Variants in COL11A1 observed in about 807,000 individuals in gnomAD.
COL11A1 encodes the protein collagen type XI alpha 1 chain.
In COL11A1, 74 loss-of-function variants were observed where a neutral mutation model predicts 265.2. That is an observed-to-expected ratio of 0.28 (90% CI 0.23 to 0.34). The LOEUF (loss-of-function observed/expected upper bound fraction) is 0.34, where lower values mean the gene tolerates loss of function less well. Ranked by LOEUF, COL11A1 falls within the 10% of genes least tolerant of loss-of-function variation. The pLI, the probability that COL11A1 is intolerant of heterozygous loss-of-function variation, is 1.00. For synonymous variants in COL11A1, 816 were observed against 727.6 expected, an observed-to-expected ratio of 1.12 and a Z score of -1.96; for missense variants, 2,165 against 2,263.6, an observed-to-expected ratio of 0.96 and a Z score of 0.88.
chr1:103,026,216 C>A lies in COL11A1; in HGVS notation c.897G>T (p.Glu299Asp). 1 of 1,605,746 alleles carries A rather than the reference C, an allele frequency of 6.2e-7. No homozygotes were observed. The change falls in exon 6 of 67, where the codon GAG (glutamate) becomes GAT (aspartate). Residue 299 changes from glutamate (E) to aspartate (D), a missense_variant and splice_region_variant. Transcript: ENST00000370096. ...TACACAGGCACTGCTTTGTTTTTAC[C>A]TCCGTCTGTGCTATTGTCTCCTCAG... is the stretch of plus-strand genomic sequence containing the variant. ...TVTEETIAQT[E>D]ANIVDDFQEY... is the part of the protein sequence containing the mutation.
chr1:103,049,648 TCAGCTGG>T (rs1318832315), intron 4 of COL11A1, among the ~76,000 whole-genome samples: 5 of 152,338 alleles, frequency 3.3e-5, no homozygotes, highest in African/African-American at 1.2e-4. Flanking sequence ...CATTATGATG[TCAGCTGG>T]CTATTTTGCT....
intron 1 of COL11A1, among the ~76,000 whole-genome samples, chr1:103,092,996 A>G (rs1201317849): frequency 6.6e-6 from 1 of 152,096 alleles, no homozygotes; most frequent in Non-Finnish European, 1.5e-5. Context: ...AAAAACAGAA[A>G]AAGACAAAAG....
rs1283544537 is a variant in COL11A1 at position 102,962,769 on chromosome 1, G to A, written c.2917-9C>T. The stretch of plus-strand genomic sequence containing the variant: ...GTCTCACCGGTTGGTCCCTAAATTA[G>A]ATAAGCAAAATCACTTTAGATTGCT... On this transcript the variant is annotated splice_polypyrimidine_tract_variant and intron_variant, in intron 38 of 66. Transcript: ENST00000370096. The A allele has an allele frequency of 6.2e-7, 1 of 1,612,640 alleles. No individual in the cohort carries two copies. Among genetic ancestry groups the A allele is most frequent in the Non-Finnish European group, 8.5e-7 (1 of 1,178,758 alleles).
intron 47 of COL11A1, among the ~76,000 whole-genome samples, chr1:102,922,006 T>C (rs1452611636): frequency 1.3e-5 from 2 of 152,222 alleles, no homozygotes; most frequent in African/African-American, 4.8e-5. Flanking sequence ...TGTCAACTCT[T>C]AGGTTCTATA....
chr1:102,972,123 T>C (rs1038051125), intron 36 of COL11A1, among the ~76,000 whole-genome samples: 5 of 152,170 alleles, frequency 3.3e-5, no homozygotes, highest in Non-Finnish European at 7.3e-5. Flanking sequence ...TTATCACTGG[T>C]TTGATATATT....
intron 37 of COL11A1, among the ~76,000 whole-genome samples, chr1:102,967,920 C>T (rs1661602526): frequency 6.6e-6 from 1 of 152,168 alleles, no homozygotes; most frequent in African/African-American, 2.4e-5. Context: ...AAAATTACAA[C>T]ATAGACTTGC....
intron 3 of COL11A1, among the ~76,000 whole-genome samples, chr1:103,076,121 T>A (rs1429088929): frequency 6.6e-6 from 1 of 152,166 alleles, no homozygotes; most frequent in African/African-American, 2.4e-5. Flanking sequence ...TGATATGTCA[T>A]AATCATGGTG....
At chr1:102,935,961 C>T (rs1190094766) in intron 44 of COL11A1, among the ~76,000 whole-genome samples, 1 of 152,014 alleles carries the variant, frequency 6.6e-6, no homozygotes, top group Non-Finnish European at 1.5e-5. Context: ...GATGTAAAAT[C>T]CGTGGTGAAT....
At chr1:102,968,333 T>G (rs565556074) in intron 37 of COL11A1, among the ~76,000 whole-genome samples, 1 of 152,338 alleles carries the variant, frequency 6.6e-6, no homozygotes, top group South Asian at 2.1e-4. Context: ...AAGCCAATTT[T>G]AGGACCAATA....
At chr1:103,017,968 G>T in intron 10 of COL11A1, 86 bp from the exon 11 acceptor site, 5 of 1,077,732 alleles carry the variant, frequency 4.6e-6, no homozygotes, top group Non-Finnish European at 7.2e-6. Context: ...CGAAGAGTTC[G>T]TTTATATTTT....
At chr1:102,930,117 T>A (rs1657210895) in intron 46 of COL11A1, among the ~76,000 whole-genome samples, 1 of 152,184 alleles carries the variant, frequency 6.6e-6, no homozygotes, top group African/African-American at 2.4e-5. Flanking sequence ...GGCCAGAACT[T>A]TCAACACTAT....
At chr1:103,040,444 A>G (rs1668719964) in intron 4 of COL11A1, among the ~76,000 whole-genome samples, 1 of 151,642 alleles carries the variant, frequency 6.6e-6, no homozygotes, top group Non-Finnish European at 1.5e-5. Flanking sequence ...AATCAAGACT[A>G]AACATGTTTA....
At chr1:102,937,405 G>A (rs1658260079) in intron 44 of COL11A1, among the ~76,000 whole-genome samples, 1 of 152,124 alleles carries the variant, frequency 6.6e-6, no homozygotes, top group Non-Finnish European at 1.5e-5. Context: ...AAATCTAAAT[G>A]GAATCTAAAG....
At chr1:103,095,549 G>T (rs1331151642) in intron 1 of COL11A1, among the ~76,000 whole-genome samples, 2 of 151,968 alleles carry the variant, frequency 1.3e-5, no homozygotes, top group Non-Finnish European at 2.9e-5. Context: ...AAAAATAAGT[G>T]CAAAGAACCC....
chr1:103,072,977 A>G (rs940177087), intron 4 of COL11A1, among the ~76,000 whole-genome samples: 48 of 151,800 alleles, frequency 3.2e-4, no homozygotes, highest in African/African-American at 1.1e-3. Context: ...ATTCATTAAC[A>G]TTTTAAAAAC....
chr1:102,989,534 C>T lies in COL11A1; in HGVS notation c.2378G>A (p.Gly793Asp), dbSNP rs1663916513. 6.2e-7 allele frequency: 1 copy of T among 1,610,658 alleles called. No individual in the cohort carries two copies. The highest frequency in any genetic ancestry group is 8.5e-7 in the Non-Finnish European group (1 of 1,177,560). ...TATACTTACTCTGTCACCTTTTAGA[C>T]CCATGTCACCTTTGAATCCTGGAAA... The part of the protein sequence containing the change: ...DGFPGFKGDM[G>D]LKGDRGEVGQ... Residue 793 changes from glycine (G) to aspartate (D), a missense_variant, in exon 29 of 67, where the codon GGT (glycine) becomes GAT (aspartate). Gly to Asp is a moderately conservative substitution (Grantham distance 94). Coordinates refer to ENST00000370096, the MANE Select transcript of COL11A1 (RefSeq NM_001854.4).
At chr1:103,067,848 T>C (rs550822818) in intron 4 of COL11A1, among the ~76,000 whole-genome samples, 1 of 151,576 alleles carries the variant, frequency 6.6e-6, no homozygotes, top group South Asian at 2.1e-4. Context: ...AACAACTTAG[T>C]TGAACTAGAA....
chr1:102,969,840 G>A (rs1661786555), intron 37 of COL11A1, among the ~76,000 whole-genome samples: 1 of 152,122 alleles, frequency 6.6e-6, no homozygotes, highest in African/African-American at 2.4e-5. Context: ...TTCGTAATCT[G>A]TTGCCTTTAG....
intron 57 of COL11A1, among the ~76,000 whole-genome samples, chr1:102,893,886 G>C (rs35486863): frequency 0.13 from 19,683 of 152,044 alleles, 1,956 homozygotes; most frequent in African/African-American, 0.28. Flanking sequence ...TTAAATGTAG[G>C]ATTAAAGAAA....
Sources: gnomAD v4.1 joint callset for allele counts (sites outside exome capture counted in the v4.1 genomes callset) on GRCh38, gnomAD v4.1.1 for gene constraint, MANE v1.5 for transcripts, NCBI Gene and HGNC (gene_info 2026-07-23, HGNC 2026-07-21) for gene names.